MACROD2: variants seen among roughly 807,000 people sequenced by gnomAD.
The protein encoded by MACROD2 is mono-ADP ribosylhydrolase 2, also known as ADP-ribose glycohydrolase MACROD2.
Under a neutral mutation model 70.4 loss-of-function variants are expected in MACROD2, and 36 were observed. The observed-to-expected ratio is 0.51, with a 90% CI of 0.39 to 0.68. The LOEUF is 0.68. Among genes scored for constraint, MACROD2 ranks in the 30% least tolerant of loss-of-function variants. The probability of loss-of-function intolerance (pLI) is 0.00; values close to 1 mark genes in which losing one functional copy is unlikely to be tolerated. For missense variants in MACROD2, 496 were observed against 538.4 expected, an observed-to-expected ratio of 0.92 and a Z score of 0.78; for synonymous variants, 172 against 178.8, an observed-to-expected ratio of 0.96 and a Z score of 0.30.
At chr20:15,598,462 G>A (rs2146682827) in intron 8 of MACROD2, among the ~76,000 whole-genome samples, 1 of 152,216 alleles carries the variant, frequency 6.6e-6, no homozygotes, top group South Asian at 2.1e-4. Context: ...ACCCTCAGAT[G>A]CCCGACTGAG....
intron 4 of MACROD2, among the ~76,000 whole-genome samples, chr20:14,664,789 G>C (rs531485216): frequency 8.6e-5 from 13 of 151,758 alleles, no homozygotes; most frequent in South Asian, 4.1e-4. Context: ...CATCCTTAAA[G>C]AAAAAAACTT....
At chr20:15,786,473 T>C (rs1427394537) in intron 8 of MACROD2, among the ~76,000 whole-genome samples, 1 of 152,222 alleles carries the variant, frequency 6.6e-6, no homozygotes, top group African/African-American at 2.4e-5. Flanking sequence ...GTAAATTAAA[T>C]GTGATGCTTG....
chr20:14,782,523 A>C (rs889512401), intron 5 of MACROD2, among the ~76,000 whole-genome samples: 1 of 152,134 alleles, frequency 6.6e-6, no homozygotes, highest in Non-Finnish European at 1.5e-5. Context: ...CGAGGACATT[A>C]ACATCACCCA....
intron 5 of MACROD2, among the ~76,000 whole-genome samples, chr20:15,064,667 G>A (rs984245996): frequency 1.3e-5 from 2 of 152,032 alleles, no homozygotes; most frequent in African/African-American, 4.8e-5. Flanking sequence ...TCAACCTCCC[G>A]CTCCACTCAG....
intron 8 of MACROD2, among the ~76,000 whole-genome samples, chr20:15,573,414 G>A (rs1280742606): frequency 6.6e-6 from 1 of 152,136 alleles, no homozygotes; most frequent in African/African-American, 2.4e-5. Context: ...TCAAATTACT[G>A]TGTTCTGTTA....
chr20:14,625,823 T>G (rs974254305), intron 4 of MACROD2, among the ~76,000 whole-genome samples: 7 of 152,224 alleles, frequency 4.6e-5, no homozygotes, highest in African/African-American at 1.2e-4. Flanking sequence ...CTGGGTTTTT[T>G]TTGTTGTTGT....
intron 3 of MACROD2, chr20:14,329,023 A>G (rs1340356939): frequency 6.6e-6 from 1 of 151,708 alleles, no homozygotes; most frequent in African/African-American, 2.4e-5. Flanking sequence ...TCATGATGCT[A>G]AGGCCTGTAT....
chr20:15,321,794 G>T lies in MACROD2; in HGVS notation c.540+91733G>T, dbSNP rs1036292354. ...TGATATTAAAAGATATCCATTTTTT[G>T]TTGTTGTTGTTTTTTTGAGACAGAG... On this transcript the variant is annotated intron_variant, in intron 6 of 17. Coordinates refer to ENST00000684519, the MANE Select transcript of MACROD2 (RefSeq NM_001351661.2). Among the ~76,000 whole-genome samples the T allele has an allele frequency of 2.2e-4, 32 of 143,786 alleles. 6 individuals carry two copies. The highest frequency in any genetic ancestry group is 3.3e-4 in the Non-Finnish European group (21 of 63,558). The allele number at this position is 143,786 out of a possible 152,430, so 94.3% of individuals were successfully genotyped here.
chr20:15,294,415 C>T (rs1157100046), intron 6 of MACROD2, among the ~76,000 whole-genome samples: 1 of 152,176 alleles, frequency 6.6e-6, no homozygotes, highest in Non-Finnish European at 1.5e-5. Flanking sequence ...TCAGCCACAT[C>T]CTTCTTTCTT....
At chr20:15,298,367 G>A (rs549106290) in intron 6 of MACROD2, among the ~76,000 whole-genome samples, 1 of 152,330 alleles carries the variant, frequency 6.6e-6, no homozygotes, top group Non-Finnish European at 1.5e-5. Flanking sequence ...GCCGCTGGCT[G>A]TCCATACTGC....
At chr20:14,726,543 C>T (rs1039558426) in intron 5 of MACROD2, among the ~76,000 whole-genome samples, 3 of 152,206 alleles carry the variant, frequency 2.0e-5, no homozygotes, top group Non-Finnish European at 4.4e-5. Context: ...TTCCTCATCT[C>T]TCTGCCATAA....
intron 3 of MACROD2, among the ~76,000 whole-genome samples, chr20:14,363,935 T>C (rs1048261344): frequency 6.6e-6 from 1 of 151,496 alleles, no homozygotes; most frequent in African/African-American, 2.4e-5. Context: ...GTCTCAATCA[T>C]GGTGGCACAG....
At chr20:14,484,483 A>G (rs1362422854) in intron 3 of MACROD2, among the ~76,000 whole-genome samples, 1 of 152,178 alleles carries the variant, frequency 6.6e-6, no homozygotes, top group African/African-American at 2.4e-5. Flanking sequence ...ATACAACTAA[A>G]TTATTATTTA....
At chr20:14,692,042 A>G (rs1459980842) in intron 5 of MACROD2, among the ~76,000 whole-genome samples, 1 of 152,162 alleles carries the variant, frequency 6.6e-6, no homozygotes, top group Admixed American at 6.5e-5. Flanking sequence ...AGTGATCCTC[A>G]TGATGAATGT....
At chr20:14,596,231 A>C (rs1982129789) in intron 4 of MACROD2, among the ~76,000 whole-genome samples, 1 of 150,466 alleles carries the variant, frequency 6.6e-6, no homozygotes, top group Non-Finnish European at 1.5e-5. Flanking sequence ...GACTACATAC[A>C]GGCGCCCGCC....
chr20:15,447,058 G>A (rs1354303159), intron 7 of MACROD2, among the ~76,000 whole-genome samples: 1 of 86,690 alleles, frequency 1.2e-5, no homozygotes, highest in Non-Finnish European at 3.0e-5. Context: ...GTGCGTGTGT[G>A]TGTGTGTGTG....
At chr20:15,144,503 C>G (rs2076216243) in intron 5 of MACROD2, among the ~76,000 whole-genome samples, 1 of 152,118 alleles carries the variant, frequency 6.6e-6, no homozygotes, top group Non-Finnish European at 1.5e-5. Context: ...AGTTTTCAAA[C>G]AAAACACAAT....
intron 5 of MACROD2, among the ~76,000 whole-genome samples, chr20:15,092,077 G>T (rs1381757595): frequency 3.3e-5 from 5 of 152,216 alleles, no homozygotes; most frequent in South Asian, 2.1e-4. Context: ...AAGTCATTTG[G>T]AAACAGATTA....
In MACROD2 at chr20:15,036,476, C is replaced by T. The variant is rs79219194; in HGVS notation, c.419-193464C>T. On this transcript the variant is annotated intron_variant, in intron 5 of 17. Coordinates refer to ENST00000684519, the MANE Select transcript of MACROD2 (RefSeq NM_001351661.2). ...GAAACTCTGGTATCCCCCTTCCCCC[C>T]ACCAATCAGTAGTTTAACAAGCCCT... is the stretch of plus-strand genomic sequence containing the variant. 1.1e-3 allele frequency among the ~76,000 whole-genome samples: 164 copies of T among 152,236 alleles called. 2 individuals are homozygous for T. In the East Asian group the frequency reaches 0.03, roughly 27 times the overall value.
Sources: allele counts gnomAD v4.1 joint callset (sites outside exome capture counted in the v4.1 genomes callset), GRCh38; gene constraint gnomAD v4.1.1; transcripts MANE v1.5; gene names NCBI Gene and HGNC (gene_info 2026-07-23, HGNC 2026-07-21).